MAF: variants seen among roughly 807,000 people sequenced by gnomAD.
MAF encodes transcription factor Maf.
MAF carries 10 observed loss-of-function variants against 22.0 expected under a neutral mutation model. The ratio of observed to expected loss-of-function variants is 0.45; its 90% CI spans 0.28 to 0.77. MAF has a LOEUF of 0.77. Among genes scored for constraint, MAF ranks in the 30% least tolerant of loss-of-function variants. The probability of loss-of-function intolerance (pLI) is 0.12; values close to 1 mark genes in which losing one functional copy is unlikely to be tolerated. For missense variants in MAF, 544 were observed against 548.4 expected (o/e 0.99, Z 0.08); for synonymous variants, 337 against 255.8 (o/e 1.32, Z -3.03).
At chr16:79,408,630 C>T in the MAF span, among the ~76,000 whole-genome samples, 1 of 151,118 alleles carries the variant, frequency 6.6e-6, no homozygotes, top group Non-Finnish European at 1.5e-5. Flanking sequence ...CTTCCTTTTT[C>T]TCATTCTTCC....
chr16:79,251,266 T>C, the MAF span, among the ~76,000 whole-genome samples: 55 of 152,128 alleles, frequency 3.6e-4, 1 homozygote, highest in Non-Finnish European at 8.8e-5. Context: ...TTAACTGTTT[T>C]CTAGGTGTGC....
chr16:79,488,004 G>C, the MAF span, among the ~76,000 whole-genome samples: 2 of 152,152 alleles, frequency 1.3e-5, no homozygotes, highest in Non-Finnish European at 2.9e-5. Flanking sequence ...TATCTGAAAG[G>C]GATGTGGTTA....
chr16:79,236,575 A>G, the MAF span, among the ~76,000 whole-genome samples: 2 of 152,058 alleles, frequency 1.3e-5, no homozygotes, highest in East Asian at 1.9e-4. Context: ...CACACTATGC[A>G]CAGTATTAAG....
downstream of MAF, among the ~76,000 whole-genome samples, chr16:79,584,638 G>T (rs1567556063): frequency 6.6e-6 from 1 of 152,162 alleles, no homozygotes; most frequent in Non-Finnish European, 1.5e-5. Context: ...TTAATAGGAG[G>T]TTTTCACATT....
the MAF span, among the ~76,000 whole-genome samples, chr16:79,314,032 C>T: frequency 6.6e-6 from 1 of 152,170 alleles, no homozygotes; most frequent in African/African-American, 2.4e-5. Flanking sequence ...TGACTACTTG[C>T]GGCCAGAATT....
chr16:79,518,860 G>C, the MAF span, among the ~76,000 whole-genome samples: 1 of 152,174 alleles, frequency 6.6e-6, no homozygotes, highest in Non-Finnish European at 1.5e-5. Flanking sequence ...AGGAGGCGGA[G>C]GTTGCCATGA....
chr16:79,511,556 C>G, the MAF span, among the ~76,000 whole-genome samples: 1 of 152,110 alleles, frequency 6.6e-6, no homozygotes, highest in African/African-American at 2.4e-5. Flanking sequence ...GCATTTAGAG[C>G]CAGGAGAGAG....
the MAF span, among the ~76,000 whole-genome samples, chr16:79,387,701 A>G: frequency 6.6e-6 from 1 of 152,238 alleles, no homozygotes; most frequent in Non-Finnish European, 1.5e-5. Flanking sequence ...GGAACAAACT[A>G]TAGTTCTAAT....
At chr16:79,583,138 C>T (rs561771823), downstream of MAF, among the ~76,000 whole-genome samples, 101 of 152,334 alleles carry the variant, frequency 6.6e-4, no homozygotes, top group African/African-American at 2.4e-3. Flanking sequence ...CAGGAAACCA[C>T]ATTTGCATTT....
chr16:79,425,851 G>A, the MAF span, among the ~76,000 whole-genome samples: 1 of 152,062 alleles, frequency 6.6e-6, no homozygotes, highest in Admixed American at 6.5e-5. Flanking sequence ...CCTCATATGT[G>A]GTAGAATCAA....
chr16:79,472,822 A>G, the MAF span, among the ~76,000 whole-genome samples: 2 of 151,952 alleles, frequency 1.3e-5, no homozygotes, highest in African/African-American at 4.8e-5. Flanking sequence ...AAAGAAAGAG[A>G]GAAAGAAAGA....
chr16:79,447,322 C>A, the MAF span, among the ~76,000 whole-genome samples: 1 of 144,878 alleles, frequency 6.9e-6, no homozygotes, highest in Admixed American at 6.8e-5. Flanking sequence ...ACTGTTAAGA[C>A]CTACTGCTCA....
At chr16:79,274,423 G>A in the MAF span, among the ~76,000 whole-genome samples, 1 of 152,104 alleles carries the variant, frequency 6.6e-6, no homozygotes, top group African/African-American at 2.4e-5. Flanking sequence ...CCAGCCATTT[G>A]CATTTTAACA....
chr16:79,443,386 G>C, the MAF span, among the ~76,000 whole-genome samples: 1 of 152,128 alleles, frequency 6.6e-6, no homozygotes, highest in Non-Finnish European at 1.5e-5. Context: ...TCACCTCCAG[G>C]CCATATCTGG....
the MAF span, among the ~76,000 whole-genome samples, chr16:79,233,933 G>A: frequency 0.072 from 10,870 of 151,190 alleles, 576 homozygotes; most frequent in Middle Eastern, 0.14. Flanking sequence ...CGGAGGTTGC[G>A]GTGAGCCGAG....
At chr16:79,522,766 G>A in the MAF span, among the ~76,000 whole-genome samples, 3 of 152,244 alleles carry the variant, frequency 2.0e-5, no homozygotes, top group East Asian at 1.9e-4. Flanking sequence ...TGGGGCTTTG[G>A]GCAAAAGTCA....
chr16:79,271,202 C>T, the MAF span, among the ~76,000 whole-genome samples: 1 of 152,046 alleles, frequency 6.6e-6, no homozygotes, highest in African/African-American at 2.4e-5. Context: ...AGGCGTGAGC[C>T]ACCGCACCCA....
At chr16:79,488,427 G>A in the MAF span, among the ~76,000 whole-genome samples, 1 of 151,588 alleles carries the variant, frequency 6.6e-6, no homozygotes, top group South Asian at 2.1e-4. Context: ...TAGTACACTG[G>A]TGACCTTGGG....
chr16:79,497,520 C>CT, the MAF span, among the ~76,000 whole-genome samples: 1 of 152,148 alleles, frequency 6.6e-6, no homozygotes, highest in African/African-American at 2.4e-5. Context: ...ATACCTAGCT[C>CT]TTTTTTAATT....
Sources: allele counts gnomAD v4.1 joint callset (sites outside exome capture counted in the v4.1 genomes callset), GRCh38; gene constraint gnomAD v4.1.1; transcripts MANE v1.5; gene names NCBI Gene and HGNC (gene_info 2026-07-23, HGNC 2026-07-21).